KCNH5: variants seen among roughly 807,000 people sequenced by gnomAD.
KCNH5 encodes voltage-gated delayed rectifier potassium channel KCNH5.
In KCNH5, 46 loss-of-function variants were observed where a neutral mutation model predicts 96.1. The ratio of observed to expected loss-of-function variants is 0.48; its 90% CI spans 0.38 to 0.61. KCNH5 has a LOEUF of 0.61. KCNH5 is among the 20% of genes least tolerant of loss of function. The pLI is 0.00. For synonymous variants in KCNH5, 439 were observed against 449.8 expected (o/e 0.98, Z 0.30); for missense variants, 907 against 1,225.8 (o/e 0.74, Z 3.88).
At chr14:63,002,612 A>G (rs1891031448) in intron 3 of KCNH5, among the ~76,000 whole-genome samples, 1 of 152,194 alleles carries the variant, frequency 6.6e-6, no homozygotes, top group Non-Finnish European at 1.5e-5. Context: ...CCGAATAAGA[A>G]GCACTTCTAT....
chr14:62,846,738 G>T (rs982427659), intron 8 of KCNH5, among the ~76,000 whole-genome samples: 1 of 125,166 alleles, frequency 8.0e-6, no homozygotes, highest in South Asian at 2.6e-4. Flanking sequence ...TAATTCTTTT[G>T]TCTATGCTTC....
At chr14:62,983,057 G>C (rs763819360) in intron 5 of KCNH5, among the ~76,000 whole-genome samples, 4 of 152,028 alleles carry the variant, frequency 2.6e-5, no homozygotes, top group Non-Finnish European at 4.4e-5. Context: ...AATGTTAGTA[G>C]TTTACCATCT....
intron 7 of KCNH5, among the ~76,000 whole-genome samples, chr14:62,874,357 A>AT (rs1365217124): frequency 1.3e-5 from 2 of 152,224 alleles, no homozygotes; most frequent in Non-Finnish European, 2.9e-5. Flanking sequence ...AAACGAACAT[A>AT]TGTAAAAAAG....
At position 62,756,142 on chromosome 14, in the gene KCNH5, C is replaced by A. The variant is rs192890141; in HGVS notation, c.2019+23586G>T. ...AAAATCAACATGTAAAAATCAGTAG[C>A]ATTTTTATATGCCAACGGCAAACAA... On this transcript the variant is annotated intron_variant, in intron 10 of 10. Coordinates refer to ENST00000322893, the MANE Select transcript of KCNH5 (RefSeq NM_139318.5). Among the ~76,000 whole-genome samples, 102 of 151,898 alleles carry A rather than the reference C, an allele frequency of 6.7e-4. 2 individuals carry two copies. Among genetic ancestry groups the A allele is most frequent in the African/African-American group, 2.4e-3 (99 of 41,488 alleles).
At chr14:62,935,076 A>T (rs1889653545) in intron 7 of KCNH5, among the ~76,000 whole-genome samples, 1 of 152,152 alleles carries the variant, frequency 6.6e-6, no homozygotes, top group Non-Finnish European at 1.5e-5. Flanking sequence ...AAGGTGGAAA[A>T]GTGGGGGGAT....
At chr14:62,790,269 T>G (rs1182671497) in intron 9 of KCNH5, among the ~76,000 whole-genome samples, 3 of 151,872 alleles carry the variant, frequency 2.0e-5, no homozygotes, top group Non-Finnish European at 4.4e-5. Flanking sequence ...GTGTTTCTTT[T>G]TTATGCCAGT....
At chr14:62,969,020 A>C (rs980542337) in intron 6 of KCNH5, among the ~76,000 whole-genome samples, 3 of 152,348 alleles carry the variant, frequency 2.0e-5, no homozygotes, top group South Asian at 2.1e-4. Context: ...TTGTTATTAG[A>C]ATCACTATAT....
chr14:62,736,748 C>CA (rs1885166158), intron 10 of KCNH5, among the ~76,000 whole-genome samples: 1 of 152,144 alleles, frequency 6.6e-6, no homozygotes, highest in East Asian at 1.9e-4. Flanking sequence ...CACTCCTGAC[C>CA]AAAATTGGCC....
At chr14:62,846,651 C>G (rs564404929) in intron 8 of KCNH5, among the ~76,000 whole-genome samples, 1 of 151,612 alleles carries the variant, frequency 6.6e-6, no homozygotes, top group Admixed American at 6.6e-5. Context: ...ACAATTCATT[C>G]TTTAACTTAT....
chr14:62,758,380 T>G (rs2139952618), intron 10 of KCNH5, among the ~76,000 whole-genome samples: 1 of 152,114 alleles, frequency 6.6e-6, no homozygotes, highest in African/African-American at 2.4e-5. Context: ...ATAATACATA[T>G]ACCTACTATA....
At chr14:62,753,040 T>C (rs1885538215) in intron 10 of KCNH5, among the ~76,000 whole-genome samples, 1 of 152,172 alleles carries the variant, frequency 6.6e-6, no homozygotes, top group Non-Finnish European at 1.5e-5. Context: ...GACAGAGATA[T>C]GTCACCGTTC....
chr14:62,961,194 C>A (rs1474876933), intron 6 of KCNH5, among the ~76,000 whole-genome samples: 1 of 152,054 alleles, frequency 6.6e-6, no homozygotes, highest in Non-Finnish European at 1.5e-5. Context: ...GAATAAAACC[C>A]AAACTCCTTA....
At chr14:62,829,324 T>C (rs879833964) in intron 8 of KCNH5, among the ~76,000 whole-genome samples, 3 of 152,244 alleles carry the variant, frequency 2.0e-5, no homozygotes, top group South Asian at 4.1e-4. Context: ...GAAGTCCCTC[T>C]GGGGGCTCCA....
At chr14:63,043,803 C>G (rs1229058296) in intron 1 of KCNH5, among the ~76,000 whole-genome samples, 4 of 152,144 alleles carry the variant, frequency 2.6e-5, no homozygotes, top group African/African-American at 9.7e-5. Context: ...AAAAGAGATT[C>G]TAATCTAAGA....
chr14:62,918,917 T>C (rs932415871), intron 7 of KCNH5, among the ~76,000 whole-genome samples: 3 of 152,114 alleles, frequency 2.0e-5, no homozygotes, highest in Non-Finnish European at 2.9e-5. Flanking sequence ...ATTTTTATCA[T>C]ATTATTTTTA....
chr14:62,994,858 A>G (rs1189035595), intron 4 of KCNH5, among the ~76,000 whole-genome samples: 1 of 152,114 alleles, frequency 6.6e-6, no homozygotes, highest in Non-Finnish European at 1.5e-5. Flanking sequence ...AATAATGAAT[A>G]TAAAATTCTT....
chr14:62,819,727 C>A (rs1301756289), intron 8 of KCNH5, among the ~76,000 whole-genome samples: 2 of 152,130 alleles, frequency 1.3e-5, no homozygotes, highest in Non-Finnish European at 1.5e-5. Flanking sequence ...TTTTTAAAAT[C>A]TTGATCCTAG....
chr14:62,765,670 C>T (rs1294845938), intron 10 of KCNH5, among the ~76,000 whole-genome samples: 6 of 151,996 alleles, frequency 3.9e-5, no homozygotes, highest in African/African-American at 1.2e-4. Context: ...CACAAATTAA[C>T]AAGCAAAAAA....
chr14:62,739,997 C>A (rs2139933578), intron 10 of KCNH5, among the ~76,000 whole-genome samples: 1 of 152,230 alleles, frequency 6.6e-6, no homozygotes, highest in Admixed American at 6.5e-5. Flanking sequence ...TGAAGCAGCA[C>A]TGTTAAGAAT....
Sources: allele counts gnomAD v4.1 joint callset (sites outside exome capture counted in the v4.1 genomes callset), GRCh38; gene constraint gnomAD v4.1.1; transcripts MANE v1.5; gene names NCBI Gene and HGNC (gene_info 2026-07-23, HGNC 2026-07-21).